The following NKAIN3 variants were observed in gnomAD, a reference collection of about 807,000 sequenced individuals.
NKAIN3 encodes sodium/potassium transporting ATPase interacting 3.
NKAIN3 carries 25 observed loss-of-function variants against 30.2 expected under a neutral mutation model. The ratio of observed to expected loss-of-function variants is 0.83; its 90% CI spans 0.60 to 1.16. NKAIN3 has a LOEUF of 1.16. NKAIN3 is among the 50% of genes most tolerant of loss of function. NKAIN3 has a pLI of 0.00. For missense variants in NKAIN3, 225 were observed against 254.1 expected (o/e 0.89, Z 0.78); for synonymous variants, 91 against 89.6 (o/e 1.02, Z -0.09).
intron 4 of NKAIN3, among the ~76,000 whole-genome samples, chr8:62,807,401 T>G (rs900707417): frequency 1.3e-5 from 2 of 152,140 alleles, no homozygotes; most frequent in African/African-American, 4.8e-5. Context: ...TAAATTTTTG[T>G]GTGTCTATTT....
At chr8:62,559,327 G>T (rs1222745435) in intron 1 of NKAIN3, among the ~76,000 whole-genome samples, 1 of 151,786 alleles carries the variant, frequency 6.6e-6, no homozygotes, top group Non-Finnish European at 1.5e-5. Context: ...TTTGAAGTGA[G>T]TTTTTTGTAG....
intron 1 of NKAIN3, among the ~76,000 whole-genome samples, chr8:62,297,802 G>A (rs1336820961): frequency 6.2e-4 from 95 of 152,150 alleles, no homozygotes; most frequent in African/African-American, 2.1e-3. Context: ...ATACCATTTT[G>A]CCCAGCCATC....
chr8:62,861,891 G>A (rs967797301), intron 4 of NKAIN3, among the ~76,000 whole-genome samples: 1 of 152,202 alleles, frequency 6.6e-6, no homozygotes, highest in Non-Finnish European at 1.5e-5. Flanking sequence ...CAGGATTTCA[G>A]TATTAGCACA....
chr8:62,811,633 A>G (rs550498098), intron 4 of NKAIN3, among the ~76,000 whole-genome samples: 835 of 62,406 alleles, frequency 0.013, 7 homozygotes, highest in African/African-American at 0.038. Context: ...AACAATGGAG[A>G]ATATGTTTTT....
intron 4 of NKAIN3, among the ~76,000 whole-genome samples, chr8:62,764,470 A>G (rs931825478): frequency 2.8e-5 from 3 of 105,562 alleles, no homozygotes; most frequent in African/African-American, 8.5e-5. Flanking sequence ...ATATACAAAT[A>G]AGTATTTTTT....
intron 1 of NKAIN3, among the ~76,000 whole-genome samples, chr8:62,366,347 A>G (rs1305676386): frequency 2.0e-5 from 3 of 151,588 alleles, no homozygotes; most frequent in Admixed American, 2.0e-4. Flanking sequence ...ATGCCTCAGC[A>G]TCCCGAGTAG....
At chr8:62,736,961 T>C (rs1341210822) in intron 3 of NKAIN3, among the ~76,000 whole-genome samples, 1 of 152,166 alleles carries the variant, frequency 6.6e-6, no homozygotes, top group Admixed American at 6.5e-5. Flanking sequence ...TCTCCCATGA[T>C]CTGGACCTTC....
intron 3 of NKAIN3, among the ~76,000 whole-genome samples, chr8:62,643,898 A>G (rs1812384115): frequency 3.3e-5 from 5 of 152,002 alleles, no homozygotes. Context: ...CTTTCACTGA[A>G]ATGCCAGATA....
At chr8:62,359,454 C>T (rs1163474608) in intron 1 of NKAIN3, among the ~76,000 whole-genome samples, 4 of 152,166 alleles carry the variant, frequency 2.6e-5, no homozygotes, top group Admixed American at 1.3e-4. Flanking sequence ...ACAGGCTAAC[C>T]TGAGGATCAG....
rs549823425 is a variant in NKAIN3 at position 62,627,137 on chromosome 8, C to T, written c.273+37343C>T. Among the ~76,000 whole-genome samples, 11 of 152,224 alleles carry T rather than the reference C, an allele frequency of 7.2e-5. No individual in the cohort carries two copies. The South Asian group carries it at 1.9e-3, about 26-fold the overall frequency. ...AATACACAATCGTGAATGAGAAGTT[C>T]GGTGTTCAAGTTGTGGCTCTAGCAC... On this transcript the variant is annotated intron_variant, in intron 3 of 6. Coordinates refer to ENST00000623646, the MANE Select transcript of NKAIN3 (RefSeq NM_001304533.3).
At chr8:62,759,311 AGTAATGGTAGAAATCAATTCAATGATTT>A (rs1243126200) in intron 4 of NKAIN3, among the ~76,000 whole-genome samples, 3 of 152,330 alleles carry the variant, frequency 2.0e-5, no homozygotes, top group East Asian at 3.9e-4. Context: ...TATTTAATTT[AGTAATGGTAGAAATCAATTCAATGATTT>A]GTAATGGTAG....
At chr8:62,671,276 G>T (rs1420300766) in intron 3 of NKAIN3, among the ~76,000 whole-genome samples, 2 of 151,872 alleles carry the variant, frequency 1.3e-5, no homozygotes, top group Non-Finnish European at 2.9e-5. Context: ...GAAAAAACTT[G>T]TTTATAGCCA....
chr8:62,925,343 A>G (rs1186138846), intron 5 of NKAIN3, among the ~76,000 whole-genome samples: 1 of 152,170 alleles, frequency 6.6e-6, no homozygotes, highest in Non-Finnish European at 1.5e-5. Context: ...CTCACTCCCT[A>G]AGAAAATTTA....
At chr8:62,774,094 A>G (rs1371540952) in intron 4 of NKAIN3, among the ~76,000 whole-genome samples, 1 of 152,116 alleles carries the variant, frequency 6.6e-6, no homozygotes, top group Admixed American at 6.6e-5. Context: ...TCAGTGTTTC[A>G]TAGTTTTCAT....
intron 1 of NKAIN3, among the ~76,000 whole-genome samples, chr8:62,307,136 G>A (rs1386910562): frequency 6.7e-6 from 1 of 149,546 alleles, no homozygotes; most frequent in Admixed American, 6.6e-5. Context: ...TGAGTCCTTG[G>A]GTAGCTAAGC....
intron 5 of NKAIN3, among the ~76,000 whole-genome samples, chr8:62,919,867 T>C (rs1186985300): frequency 6.6e-6 from 1 of 151,502 alleles, no homozygotes; most frequent in East Asian, 2.0e-4. Flanking sequence ...AGTGAAAGCA[T>C]GCAGACAAAT....
chr8:62,800,781 G>C (rs1818030907), intron 4 of NKAIN3, among the ~76,000 whole-genome samples: 1 of 151,796 alleles, frequency 6.6e-6, no homozygotes, highest in South Asian at 2.1e-4. Context: ...AGTAGGTGCA[G>C]TGCACCATGC....
intron 4 of NKAIN3, among the ~76,000 whole-genome samples, chr8:62,835,151 C>T (rs1200784031): frequency 6.6e-6 from 1 of 150,660 alleles, no homozygotes; most frequent in Non-Finnish European, 1.5e-5. Flanking sequence ...GAATACCTAC[C>T]TTTCACATAT....
chr8:62,569,503 C>T (rs1163033564), intron 1 of NKAIN3, among the ~76,000 whole-genome samples: 1 of 152,048 alleles, frequency 6.6e-6, no homozygotes, highest in Non-Finnish European at 1.5e-5. Context: ...AGGCTGGGCA[C>T]AGTGGCTCAT....
Sources: gnomAD v4.1 joint callset for allele counts (sites outside exome capture counted in the v4.1 genomes callset) on GRCh38, gnomAD v4.1.1 for gene constraint, MANE v1.5 for transcripts, NCBI Gene and HGNC (gene_info 2026-07-23, HGNC 2026-07-21) for gene names.